The following NBAS variants were observed in gnomAD, a reference collection of about 807,000 sequenced individuals.
NBAS encodes the protein NBAS subunit of NRZ tethering complex, also known as NAG/BC035112 fusion.
Under a neutral mutation model 302.5 loss-of-function variants are expected in NBAS, and 219 were observed. The observed-to-expected ratio is 0.72, with a 90% confidence interval of 0.65 to 0.81. NBAS has a LOEUF of 0.81. NBAS is among the 30% of genes least tolerant of loss of function. The pLI is 0.00. For missense variants in NBAS, 2,932 were observed against 2,841.6 expected (o/e 1.03, Z -0.72); for synonymous variants, 1,118 against 1,021.6 (o/e 1.09, Z -1.80).
intron 25 of NBAS, among the ~76,000 whole-genome samples, chr2:15,415,308 A>G (rs900605648): frequency 1.3e-5 from 2 of 152,242 alleles, no homozygotes; most frequent in African/African-American, 4.8e-5. Context: ...TGGTATTGCC[A>G]GCTTCTTAAA....
chr2:15,377,372 C>T (rs1006859942), intron 30 of NBAS, among the ~76,000 whole-genome samples: 4 of 152,148 alleles, frequency 2.6e-5, no homozygotes, highest in African/African-American at 9.7e-5. Flanking sequence ...TAAACTGGTG[C>T]CACATGATAA....
chr2:15,139,863 T>C, the NBAS span, among the ~76,000 whole-genome samples: 2 of 152,284 alleles, frequency 1.3e-5, no homozygotes, highest in African/African-American at 4.8e-5. Context: ...GTACAGTAGT[T>C]GGTAACAGGT....
the NBAS span, among the ~76,000 whole-genome samples, chr2:14,955,152 C>T: frequency 0.13 from 20,455 of 152,244 alleles, 1,722 homozygotes; most frequent in African/African-American, 0.24. Context: ...AAAGGGGCCA[C>T]ATGCCCCATG....
At chr2:15,436,433 C>T (rs574308533) in intron 21 of NBAS, among the ~76,000 whole-genome samples, 5 of 152,200 alleles carry the variant, frequency 3.3e-5, no homozygotes, top group African/African-American at 9.6e-5. Flanking sequence ...AATCACTGTG[C>T]TTCTCAAGCT....
At chr2:14,819,596 C>A in the NBAS span, among the ~76,000 whole-genome samples, 1 of 152,000 alleles carries the variant, frequency 6.6e-6, no homozygotes, top group Non-Finnish European at 1.5e-5. Context: ...TAGAAGATCC[C>A]AATAGGACTA....
chr2:15,538,325 TC>T, intron 7 of NBAS: 1 of 479,262 alleles, frequency 2.1e-6, no homozygotes, highest in African/African-American at 2.0e-5. Flanking sequence ...TGGCTAAGAT[TC>T]CCAGAATATG....
At chr2:14,991,185 C>G in the NBAS span, among the ~76,000 whole-genome samples, 1 of 152,100 alleles carries the variant, frequency 6.6e-6, no homozygotes, top group Non-Finnish European at 1.5e-5. Flanking sequence ...TCAAGTGATA[C>G]CCAGCTCTAG....
intron 25 of NBAS, among the ~76,000 whole-genome samples, chr2:15,409,752 G>T (rs1676591104): frequency 6.6e-6 from 1 of 152,066 alleles, no homozygotes; most frequent in Non-Finnish European, 1.5e-5. Flanking sequence ...GGGAAGTGGA[G>T]CAAGGCCTGC....
At chr2:15,466,001 T>C (rs928856225) in intron 19 of NBAS, among the ~76,000 whole-genome samples, 6 of 152,306 alleles carry the variant, frequency 3.9e-5, no homozygotes, top group African/African-American at 1.4e-4. Context: ...TTTAAAGTAA[T>C]GTGATCATCC....
At chr2:15,313,678 C>T (rs1323284048) in intron 38 of NBAS, among the ~76,000 whole-genome samples, 1 of 152,232 alleles carries the variant, frequency 6.6e-6, no homozygotes, top group Non-Finnish European at 1.5e-5. Context: ...TTTAAATTCT[C>T]ACTTTGAGCA....
chr2:15,203,526 G>A (rs1665979856), intron 48 of NBAS, among the ~76,000 whole-genome samples: 1 of 152,066 alleles, frequency 6.6e-6, no homozygotes, highest in South Asian at 2.1e-4. Context: ...AGACTTTAGG[G>A]TAACAGAAGA....
intron 10 of NBAS, among the ~76,000 whole-genome samples, chr2:15,504,624 T>A (rs982781065): frequency 3.3e-5 from 5 of 152,154 alleles, no homozygotes; most frequent in African/African-American, 1.2e-4. Flanking sequence ...AAAGACTTCA[T>A]CATTAGAAAT....
chr2:15,526,492 C>T (rs1158967306), intron 9 of NBAS, among the ~76,000 whole-genome samples: 1 of 152,018 alleles, frequency 6.6e-6, no homozygotes, highest in East Asian at 1.9e-4. Context: ...TGATAAACAT[C>T]ACAGGCCCAC....
rs556442821 is a variant in NBAS, at chr2:15,311,956, G to C, written c.4583-2709C>G. Reference sequence around the variant, plus strand: ...TCTGCCCCACTGCACCCATTACCTTGACACTCCCTCTTTCCTCAAGTCCCT... The same window carrying C: ...TCTGCCCCACTGCACCCATTACCTTCACACTCCCTCTTTCCTCAAGTCCCT... On this transcript the variant is annotated intron_variant, in intron 38 of 51. Transcript: ENST00000281513. Among the ~76,000 whole-genome samples the C allele has an allele frequency of 2.4e-4, 36 of 152,018 alleles. No homozygotes were observed. The South Asian group carries it at 6.9e-3, about 29-fold the overall frequency.
the NBAS span, among the ~76,000 whole-genome samples, chr2:14,917,316 T>A: frequency 6.6e-6 from 1 of 152,208 alleles, no homozygotes; most frequent in Admixed American, 6.5e-5. Flanking sequence ...GGTTTTGGAC[T>A]GAAAGCCTCA....
chr2:15,078,715 G>A, the NBAS span, among the ~76,000 whole-genome samples: 3 of 152,160 alleles, frequency 2.0e-5, no homozygotes, highest in Non-Finnish European at 4.4e-5. Flanking sequence ...AATGTGCTTG[G>A]CACTGTAAAA....
At chr2:15,410,696 C>T (rs1211411544) in intron 25 of NBAS, among the ~76,000 whole-genome samples, 2 of 152,328 alleles carry the variant, frequency 1.3e-5, no homozygotes, top group Non-Finnish European at 1.5e-5. Context: ...AAAATTAAAA[C>T]ACCTACTGTA....
the NBAS span, among the ~76,000 whole-genome samples, chr2:15,098,468 TATATA>T: frequency 1.8e-4 from 20 of 111,848 alleles, 2 homozygotes; most frequent in African/African-American, 6.9e-4. Context: ...TTATATATTG[TATATA>T]ATATGTTATA....
At chr2:14,788,017 A>G in the NBAS span, among the ~76,000 whole-genome samples, 7 of 151,516 alleles carry the variant, frequency 4.6e-5, no homozygotes, top group Admixed American at 4.6e-4. Flanking sequence ...GGCTTTGTTC[A>G]TTTCTTTTTA....
Sources: gnomAD v4.1 joint callset for allele counts (sites outside exome capture counted in the v4.1 genomes callset) on GRCh38, gnomAD v4.1.1 for gene constraint, MANE v1.5 for transcripts, NCBI Gene and HGNC (gene_info 2026-07-23, HGNC 2026-07-21) for gene names.